The following TMTC2 variants were observed in gnomAD, a reference collection of about 807,000 sequenced individuals.
The protein encoded by TMTC2 is transmembrane O-mannosyltransferase targeting cadherins 2, also known as protein O-mannosyl-transferase TMTC2.
A neutral mutation model predicts 82.4 loss-of-function variants in TMTC2; 43 were observed. That is an observed-to-expected ratio of 0.52 (90% CI 0.41 to 0.67). The LOEUF (loss-of-function observed/expected upper bound fraction) is 0.67, where lower values mean the gene tolerates loss of function less well. Among genes scored for constraint, TMTC2 ranks in the 30% least tolerant of loss-of-function variants. The pLI is 0.00. For missense variants in TMTC2, 919 were observed against 1,012.4 expected (o/e 0.91, Z 1.25); for synonymous variants, 408 against 381.9 (o/e 1.07, Z -0.80).
intron 8 of TMTC2, among the ~76,000 whole-genome samples, chr12:83,011,810 A>G (rs1011151897): frequency 1.3e-5 from 2 of 152,236 alleles, no homozygotes; most frequent in African/African-American, 4.8e-5. Context: ...CTTATTGCAT[A>G]TGAATAACTA....
At chr12:82,883,749 C>T (rs144296267) in intron 2 of TMTC2, among the ~76,000 whole-genome samples, 2 of 152,312 alleles carry the variant, frequency 1.3e-5, no homozygotes, top group East Asian at 3.9e-4. Context: ...TTTCTAAATT[C>T]TGTTAATTTT....
intron 1 of TMTC2, among the ~76,000 whole-genome samples, chr12:82,689,871 T>G (rs1398078458): frequency 6.6e-6 from 1 of 152,222 alleles, no homozygotes; most frequent in Non-Finnish European, 1.5e-5. Flanking sequence ...TAGTATATAT[T>G]GATAAAATAT....
intron 1 of TMTC2, among the ~76,000 whole-genome samples, chr12:82,795,244 G>A (rs1391683669): frequency 6.7e-6 from 1 of 150,134 alleles, no homozygotes; most frequent in African/African-American, 2.5e-5. Flanking sequence ...GGCAGGGGTT[G>A]CAGTGAGCCG....
At chr12:82,889,405 C>T (rs190211408) in intron 2 of TMTC2, among the ~76,000 whole-genome samples, 1 of 152,056 alleles carries the variant, frequency 6.6e-6, no homozygotes, top group Non-Finnish European at 1.5e-5. Flanking sequence ...AGTTGTCAAA[C>T]CTTTTAGTTT....
intron 1 of TMTC2, among the ~76,000 whole-genome samples, chr12:82,689,676 G>T (rs1311597943): frequency 7.2e-5 from 11 of 152,242 alleles, no homozygotes; most frequent in Admixed American, 6.5e-4. Flanking sequence ...TAACTTGGAA[G>T]AATGGTGTGA....
intron 9 of TMTC2, among the ~76,000 whole-genome samples, chr12:83,048,055 T>C (rs922207082): frequency 6.6e-6 from 1 of 152,230 alleles, no homozygotes; most frequent in Admixed American, 6.5e-5. Flanking sequence ...CAATTAATAA[T>C]TTCCTACATT....
chr12:83,086,973 C>T (rs1210987243), intron 11 of TMTC2, among the ~76,000 whole-genome samples: 1 of 152,176 alleles, frequency 6.6e-6, no homozygotes, highest in Non-Finnish European at 1.5e-5. Context: ...ATTAATTCTT[C>T]CTTTCACAAA....
At chr12:82,806,836 G>A (rs947522382) in intron 1 of TMTC2, among the ~76,000 whole-genome samples, 3 of 152,072 alleles carry the variant, frequency 2.0e-5, no homozygotes, top group African/African-American at 7.2e-5. Context: ...GTGTTAGATG[G>A]CAAAGGCAAA....
At chr12:82,873,050 T>A (rs1013440395) in intron 2 of TMTC2, among the ~76,000 whole-genome samples, 6 of 152,188 alleles carry the variant, frequency 3.9e-5, no homozygotes, top group Admixed American at 2.6e-4. Context: ...TTTTTAATAC[T>A]TTTATTGAGA....
rs1166536413 is a variant in TMTC2 at position 82,896,216 on chromosome 12, A to G, written c.1053A>G (p.Gly351=). The G allele has an allele frequency of 4.3e-6, 7 of 1,614,086 alleles. No homozygotes were observed. Among genetic ancestry groups the G allele is most frequent in the African/African-American group, 1.3e-5 (1 of 75,014 alleles). ...CAAATGGCAAGCAGAATGCAAATGG[A>G]CATAGCTGCCTTTCAGATGTGGAGT... ...TVTNGKQNAN[G]HSCLSDVEYQ... is the part of the protein sequence containing the mutation. Residue 351 remains glycine (G), a synonymous_variant, in exon 3 of 12, where the codon GGA becomes GGG. Coordinates refer to ENST00000321196, the MANE Select transcript of TMTC2 (RefSeq NM_152588.3).
At chr12:83,078,276 T>C (rs1303884599) in intron 11 of TMTC2, among the ~76,000 whole-genome samples, 1 of 152,182 alleles carries the variant, frequency 6.6e-6, no homozygotes, top group African/African-American at 2.4e-5. Flanking sequence ...TAGAGGAGGC[T>C]GTCTAAAGTT....
At chr12:83,025,443 A>T (rs1257453171) in intron 8 of TMTC2, among the ~76,000 whole-genome samples, 1 of 151,338 alleles carries the variant, frequency 6.6e-6, no homozygotes, top group Non-Finnish European at 1.5e-5. Context: ...ATAGTAGAAA[A>T]ACATTATTTT....
At chr12:83,043,284 A>G (rs1166016821) in intron 9 of TMTC2, among the ~76,000 whole-genome samples, 4 of 152,084 alleles carry the variant, frequency 2.6e-5, no homozygotes, top group African/African-American at 9.7e-5. Flanking sequence ...CTAGTCTAAA[A>G]CCTGACTGCT....
At chr12:82,878,518 A>T (rs934848840) in intron 2 of TMTC2, among the ~76,000 whole-genome samples, 2 of 152,156 alleles carry the variant, frequency 1.3e-5, no homozygotes, top group African/African-American at 4.8e-5. Context: ...TAATGGGTGG[A>T]TGGATGGGAG....
chr12:82,724,987 T>C (rs558887268), intron 1 of TMTC2, among the ~76,000 whole-genome samples: 4 of 152,312 alleles, frequency 2.6e-5, no homozygotes, highest in South Asian at 2.1e-4. Flanking sequence ...CACTGTAGGC[T>C]GAACACCTCA....
At chr12:82,908,957 A>C (rs1410629292) in intron 3 of TMTC2, among the ~76,000 whole-genome samples, 1 of 152,168 alleles carries the variant, frequency 6.6e-6, no homozygotes, top group Non-Finnish European at 1.5e-5. Flanking sequence ...AATCTCTGCT[A>C]CAATTGTAGT....
chr12:82,866,249 AAAAAAAAAAAAAAAC>A (rs890058796), intron 2 of TMTC2, among the ~76,000 whole-genome samples: 5 of 150,688 alleles, frequency 3.3e-5, no homozygotes, highest in African/African-American at 1.2e-4. Context: ...AAGATCAAAA[AAAAAAAAAAAAAAAC>A]AAAAAACTTT....
chr12:82,729,623 T>C (rs1373829006), intron 1 of TMTC2, among the ~76,000 whole-genome samples: 3 of 152,148 alleles, frequency 2.0e-5, no homozygotes, highest in Non-Finnish European at 4.4e-5. Context: ...CAGCACCCTG[T>C]GAAAACGGAC....
At chr12:82,986,342 T>C (rs992944056) in intron 8 of TMTC2, 2 of 281,430 alleles carry the variant, frequency 7.1e-6, no homozygotes, top group African/African-American at 4.3e-5. Flanking sequence ...GTATCATCCC[T>C]GTATCAAAAC....
Sources: allele counts gnomAD v4.1 joint callset (sites outside exome capture counted in the v4.1 genomes callset), GRCh38; gene constraint gnomAD v4.1.1; transcripts MANE v1.5; gene names NCBI Gene and HGNC (gene_info 2026-07-23, HGNC 2026-07-21).